The following NCKAP5 variants were observed in gnomAD, a reference collection of about 807,000 sequenced individuals.
NCKAP5 encodes NCK associated protein 5, also known as nck-associated protein 5.
In NCKAP5, 92 loss-of-function variants were observed where a neutral mutation model predicts 167.0. That is an observed-to-expected ratio of 0.55 (90% CI 0.47 to 0.66). The LOEUF (loss-of-function observed/expected upper bound fraction) is 0.66. Among genes scored for constraint, NCKAP5 ranks in the 30% least tolerant of loss-of-function variants. The pLI is 0.00. For missense variants in NCKAP5, 2,378 were observed against 2,315.0 expected, an observed-to-expected ratio of 1.03 and a Z score of -0.56; for synonymous variants, 891 against 877.4, an observed-to-expected ratio of 1.02 and a Z score of -0.27.
rs1203694669 is a variant in NCKAP5 at position 132,781,077 on chromosome 2, T to C, written c.5024A>G (p.Asp1675Gly). Residue 1675 changes from aspartate to glycine, a missense_variant, in exon 15 of 20, where the codon GAT becomes GGT. Coordinates refer to ENST00000409261, the MANE Select transcript of NCKAP5 (RefSeq NM_207363.3). ...NHKKNMKIKADMEVPKDSLVK... is the reference protein window; with the variant it reads ...NHKKNMKIKAGMEVPKDSLVK... Reference sequence around the variant, plus strand: ...CAGGGAGTCTTTTGGTACTTCCATATCGGCTTTGATTTTCATGTTTTTCTT... The same window carrying C: ...CAGGGAGTCTTTTGGTACTTCCATACCGGCTTTGATTTTCATGTTTTTCTT... The C allele has an allele frequency of 6.2e-7, 1 of 1,613,662 alleles. No individual in the cohort carries two copies. Among genetic ancestry groups the C allele is most frequent in the South Asian group, 1.1e-5 (1 of 90,980 alleles).
At chr2:133,503,710 C>T (rs1682747456) in intron 3 of NCKAP5, among the ~76,000 whole-genome samples, 2 of 152,344 alleles carry the variant, frequency 1.3e-5, no homozygotes, top group South Asian at 2.1e-4. Context: ...GAACCATCTT[C>T]CTGCTCCTAT....
At chr2:133,547,659 C>A (rs1460263959) in intron 2 of NCKAP5, among the ~76,000 whole-genome samples, 1 of 151,556 alleles carries the variant, frequency 6.6e-6, no homozygotes, top group Non-Finnish European at 1.5e-5. Flanking sequence ...AGACCTACAG[C>A]TGAGGTTCCT....
intron 3 of NCKAP5, among the ~76,000 whole-genome samples, chr2:133,316,120 T>C (rs917317620): frequency 6.6e-6 from 1 of 152,140 alleles, no homozygotes; most frequent in African/African-American, 2.4e-5. Context: ...GGGACACTTT[T>C]GGAGAATGGT....
intron 8 of NCKAP5, among the ~76,000 whole-genome samples, chr2:132,945,851 G>A (rs1192095994): frequency 6.6e-6 from 1 of 152,106 alleles, no homozygotes; most frequent in Non-Finnish European, 1.5e-5. Context: ...TTGAACCCAG[G>A]GCTGAAGGAT....
chr2:133,200,398 T>C (rs552087750), intron 5 of NCKAP5, among the ~76,000 whole-genome samples: 81 of 152,192 alleles, frequency 5.3e-4, no homozygotes, highest in African/African-American at 1.8e-3. Context: ...CAACAAATGA[T>C]GCTAGGATGA....
At chr2:133,191,092 C>A (rs1180779782) in intron 5 of NCKAP5, among the ~76,000 whole-genome samples, 1 of 152,048 alleles carries the variant, frequency 6.6e-6, no homozygotes, top group Non-Finnish European at 1.5e-5. Flanking sequence ...AATCAAACAA[C>A]CCCATCAAAA....
chr2:133,061,237 G>C, intron 6 of NCKAP5, among the ~76,000 whole-genome samples: 1 of 152,134 alleles, frequency 6.6e-6, no homozygotes, highest in Non-Finnish European at 1.5e-5. Flanking sequence ...GCAGTGGCAG[G>C]GTTTGAGGAC....
At chr2:133,329,822 C>A (rs1048967038) in intron 3 of NCKAP5, among the ~76,000 whole-genome samples, 1 of 152,084 alleles carries the variant, frequency 6.6e-6, no homozygotes, top group African/African-American at 2.4e-5. Context: ...TTGCCCAAGA[C>A]CCCTCTTCTG....
At chr2:133,055,973 T>C (rs1417426487) in intron 6 of NCKAP5, among the ~76,000 whole-genome samples, 1 of 152,192 alleles carries the variant, frequency 6.6e-6, no homozygotes, top group Non-Finnish European at 1.5e-5. Context: ...ACAAGAGTTA[T>C]TAAAAGAATA....
At chr2:132,753,090 C>G (rs1490953015) in intron 16 of NCKAP5, among the ~76,000 whole-genome samples, 1 of 152,164 alleles carries the variant, frequency 6.6e-6, no homozygotes, top group Non-Finnish European at 1.5e-5. Context: ...TGAAAACACC[C>G]AGGATCATGT....
chr2:133,602,312 A>G, the NCKAP5 span, among the ~76,000 whole-genome samples: 1 of 152,196 alleles, frequency 6.6e-6, no homozygotes. Context: ...ACAGCAAAGA[A>G]GAGAAGAATG....
intron 3 of NCKAP5, among the ~76,000 whole-genome samples, chr2:133,335,594 CAA>C (rs1574731751): frequency 1.3e-5 from 2 of 152,196 alleles, no homozygotes; most frequent in African/African-American, 4.8e-5. Flanking sequence ...TAAAGAACCA[CAA>C]AAAAGTTAAA....
intron 3 of NCKAP5, among the ~76,000 whole-genome samples, chr2:133,459,608 G>A (rs1199300482): frequency 6.6e-6 from 1 of 152,108 alleles, no homozygotes; most frequent in African/African-American, 2.4e-5. Context: ...AAATGAAAAT[G>A]CCTAAAATGT....
At chr2:133,358,974 GT>G in intron 3 of NCKAP5, among the ~76,000 whole-genome samples, 1 of 152,138 alleles carries the variant, frequency 6.6e-6, no homozygotes, top group South Asian at 2.1e-4. Context: ...TACTTCTACT[GT>G]TTTTTCAACT....
chr2:133,122,301 T>C (rs2082275453), intron 6 of NCKAP5: 1 of 152,222 alleles, frequency 6.6e-6, no homozygotes, highest in African/African-American at 2.4e-5. Flanking sequence ...TTATTCTGTA[T>C]CTCACACATT....
At chr2:133,672,104 A>G in the NCKAP5 span, among the ~76,000 whole-genome samples, 1 of 152,248 alleles carries the variant, frequency 6.6e-6, no homozygotes, top group Non-Finnish European at 1.5e-5. Flanking sequence ...GACTTCTTTC[A>G]AAAAGCTCCT....
intron 4 of NCKAP5, among the ~76,000 whole-genome samples, chr2:133,238,850 G>C (rs1397580850): frequency 8.5e-5 from 13 of 152,142 alleles, no homozygotes; most frequent in Non-Finnish European, 1.9e-4. Context: ...AACCTGTCTG[G>C]TCCTGGTTTT....
chr2:132,847,781 C>A (rs536414333), intron 11 of NCKAP5, among the ~76,000 whole-genome samples: 5 of 152,186 alleles, frequency 3.3e-5, no homozygotes, highest in African/African-American at 1.2e-4. Context: ...GCAAAATGAG[C>A]CAGATACAAA....
chr2:133,567,084 C>T (rs1434958863), intron 1 of NCKAP5, among the ~76,000 whole-genome samples: 4 of 152,230 alleles, frequency 2.6e-5, no homozygotes, highest in African/African-American at 9.6e-5. Flanking sequence ...GCAAGCCAGG[C>T]TCCTGAGTGA....
Sources: gnomAD v4.1 joint callset for allele counts (sites outside exome capture counted in the v4.1 genomes callset) on GRCh38, gnomAD v4.1.1 for gene constraint, MANE v1.5 for transcripts, NCBI Gene and HGNC (gene_info 2026-07-23, HGNC 2026-07-21) for gene names.